The following AFAP1 variants were observed in gnomAD, a reference collection of about 807,000 sequenced individuals.
AFAP1 encodes the protein actin filament associated protein 1, also known as actin filament-associated protein 1.
AFAP1 carries 75 observed loss-of-function variants against 93.9 expected under a neutral mutation model. The observed-to-expected ratio is 0.80, with a 90% CI of 0.66 to 0.97. AFAP1 has a LOEUF of 0.97. Among genes scored for constraint, AFAP1 ranks in the 50% least tolerant of loss-of-function variants. AFAP1 has a pLI of 0.00. For missense variants in AFAP1, 1,201 were observed against 1,050.8 expected (o/e 1.14, Z -1.98); for synonymous variants, 517 against 430.7 (o/e 1.20, Z -2.48).
At chr4:7,836,914 A>C (rs1224287282) in intron 6 of AFAP1, among the ~76,000 whole-genome samples, 1 of 152,098 alleles carries the variant, frequency 6.6e-6, no homozygotes, top group African/African-American at 2.4e-5. Context: ...TTATAAAAAA[A>C]GATTTCAATA....
intron 1 of AFAP1, among the ~76,000 whole-genome samples, chr4:7,876,536 G>C (rs1717518829): frequency 6.6e-6 from 1 of 152,158 alleles, no homozygotes; most frequent in South Asian, 2.1e-4. Flanking sequence ...GCAAAGGACA[G>C]AAGCCAGCAC....
At chr4:7,794,388 T>C (rs769006130) in intron 10 of AFAP1, among the ~76,000 whole-genome samples, 1 of 152,254 alleles carries the variant, frequency 6.6e-6, no homozygotes, top group Non-Finnish European at 1.5e-5. Flanking sequence ...GAAATGACAC[T>C]CTGTAATCAC....
At chr4:7,904,569 C>A (rs1331919761) in intron 1 of AFAP1, among the ~76,000 whole-genome samples, 1 of 152,114 alleles carries the variant, frequency 6.6e-6, no homozygotes, top group African/African-American at 2.4e-5. Flanking sequence ...GTACCATATT[C>A]TCTCATTTTT....
chr4:7,889,892 A>T (rs1258056430), intron 1 of AFAP1, among the ~76,000 whole-genome samples: 5 of 151,682 alleles, frequency 3.3e-5, no homozygotes, highest in African/African-American at 1.2e-4. Flanking sequence ...CCATAAATAA[A>T]AAGAGAGATA....
At chr4:7,840,023 A>C (rs1237735718) in intron 5 of AFAP1, among the ~76,000 whole-genome samples, 1 of 152,180 alleles carries the variant, frequency 6.6e-6, no homozygotes, top group Non-Finnish European at 1.5e-5. Context: ...CAAGCACCTC[A>C]ATCAGCATGG....
chr4:7,783,058 T>G (rs1223019689), intron 12 of AFAP1, among the ~76,000 whole-genome samples: 1 of 152,344 alleles, frequency 6.6e-6, no homozygotes, highest in Non-Finnish European at 1.5e-5. Flanking sequence ...CACTTTCATC[T>G]TAGTCTAAGC....
intron 1 of AFAP1, among the ~76,000 whole-genome samples, chr4:7,927,864 GC>G (rs753239681): frequency 7.9e-5 from 12 of 152,044 alleles, no homozygotes; most frequent in Non-Finnish European, 1.6e-4. Context: ...GTATAAAGTT[GC>G]CCCAAACACA....
chr4:7,898,452 G>A (rs146410437), intron 1 of AFAP1, among the ~76,000 whole-genome samples: 179 of 151,532 alleles, frequency 1.2e-3, no homozygotes, highest in African/African-American at 3.8e-3. Context: ...CTCTCCTTCC[G>A]CCTTTCACCC....
rs1162488494 is a variant in AFAP1 at position 7,819,115 on chromosome 4, A to G, written c.783T>C (p.Pro261=). ...CSGPVDSECP[P]PPSSPVHKAE... Reference sequence around the variant, plus strand: ...CCTTGTGCACCGGGGAGCTTGGTGGAGGAGGACACTCTGAATCCACGGGGC... The same window carrying G: ...CCTTGTGCACCGGGGAGCTTGGTGGGGGAGGACACTCTGAATCCACGGGGC... The change falls in exon 7 of 18, where the codon CCT becomes CCC. Residue 261 remains proline, a synonymous_variant. Transcript: ENST00000420658. 1.2e-6 allele frequency: 2 copies of G among 1,613,716 alleles called. No individual in the cohort carries two copies. Among genetic ancestry groups the G allele is most frequent in the African/African-American group, 1.3e-5 (1 of 74,892 alleles).
chr4:7,900,355 C>G (rs1480865022), intron 1 of AFAP1, among the ~76,000 whole-genome samples: 13 of 6,114 alleles, frequency 2.1e-3, no homozygotes, highest in Non-Finnish European at 3.1e-3. Flanking sequence ...TAGCATTTAG[C>G]ACATTTAGCT....
intron 12 of AFAP1, 75 bp downstream of exon 12, chr4:7,786,119 G>A (rs1314980197): frequency 7.3e-7 from 1 of 1,368,442 alleles, no homozygotes; most frequent in East Asian, 2.3e-5. Flanking sequence ...TGAAACCAGG[G>A]GAACTGAAGC....
chr4:7,934,074 A>G (rs1721248828), intron 1 of AFAP1, among the ~76,000 whole-genome samples: 1 of 152,178 alleles, frequency 6.6e-6, no homozygotes, highest in South Asian at 2.1e-4. Flanking sequence ...GGCTGGCCAC[A>G]CTCCATCCAA....
chr4:7,812,281 C>T (rs1720114101), intron 8 of AFAP1, among the ~76,000 whole-genome samples: 2 of 152,064 alleles, frequency 1.3e-5, no homozygotes. Context: ...GAGGTATCCC[C>T]CACAGATAAT....
intron 1 of AFAP1, among the ~76,000 whole-genome samples, chr4:7,889,253 G>T (rs966025676): frequency 3.3e-5 from 5 of 152,026 alleles, no homozygotes; most frequent in African/African-American, 1.2e-4. Flanking sequence ...AATACAGGGG[G>T]GTTGTTTTCT....
intron 16 of AFAP1, among the ~76,000 whole-genome samples, chr4:7,770,435 C>T (rs1339006968): frequency 1.3e-5 from 2 of 152,082 alleles, no homozygotes; most frequent in Non-Finnish European, 2.9e-5. Flanking sequence ...GAAGCCACAT[C>T]CAGAAAGTGA....
At chr4:7,897,038 CTT>C (rs1417327221) in intron 1 of AFAP1, among the ~76,000 whole-genome samples, 1 of 152,068 alleles carries the variant, frequency 6.6e-6, no homozygotes, top group Non-Finnish European at 1.5e-5. Flanking sequence ...TCTAGAGACT[CTT>C]TTCTTCTCCT....
intron 6 of AFAP1, among the ~76,000 whole-genome samples, chr4:7,827,251 C>T (rs1721504610): frequency 6.6e-6 from 1 of 151,928 alleles, no homozygotes; most frequent in Admixed American, 6.6e-5. Flanking sequence ...ATCAGAGGAC[C>T]CAACATACCT....
intron 11 of AFAP1, among the ~76,000 whole-genome samples, chr4:7,787,523 G>A (rs1717415537): frequency 6.6e-6 from 1 of 152,150 alleles, no homozygotes; most frequent in South Asian, 2.1e-4. Context: ...CCCTTAACCT[G>A]GGGAGCCTGA....
At chr4:7,880,629 G>A (rs1002837680) in intron 1 of AFAP1, among the ~76,000 whole-genome samples, 16 of 152,134 alleles carry the variant, frequency 1.1e-4, no homozygotes, top group Non-Finnish European at 1.8e-4. Flanking sequence ...GAAGAAAGGC[G>A]GCCTGGAGTC....
Sources: gnomAD v4.1 joint callset for allele counts (sites outside exome capture counted in the v4.1 genomes callset) on GRCh38, gnomAD v4.1.1 for gene constraint, MANE v1.5 for transcripts, NCBI Gene and HGNC (gene_info 2026-07-23, HGNC 2026-07-21) for gene names.